Variants in EEF1AKMT2 observed in about 807,000 individuals in gnomAD.
The protein encoded by EEF1AKMT2 is eukaryotic translation elongation factor 1 alpha lysine methyltransferase 2.
EEF1AKMT2 carries 32 observed loss-of-function variants against 35.8 expected under a neutral mutation model. That is an observed-to-expected ratio of 0.89 (90% confidence interval 0.67 to 1.20). The LOEUF (loss-of-function observed/expected upper bound fraction) is 1.20, where lower values mean the gene tolerates loss of function less well. Ranked by LOEUF, EEF1AKMT2 falls within the 50% of genes most tolerant of loss-of-function variation. The pLI is 0.00. For missense variants in EEF1AKMT2, 330 were observed against 347.5 expected, an observed-to-expected ratio of 0.95 and a Z score of 0.40; for synonymous variants, 121 against 133.7, an observed-to-expected ratio of 0.91 and a Z score of 0.65.
chr10:124,778,769 G>A (rs937430483), intron 3 of EEF1AKMT2, among the ~76,000 whole-genome samples: 26 of 150,006 alleles, frequency 1.7e-4, no homozygotes, highest in Admixed American at 1.7e-3. Flanking sequence ...AACATCCAGG[G>A]AGTAGGGATG....
At chr10:124,782,669 G>A (rs1306847151) in intron 3 of EEF1AKMT2, among the ~76,000 whole-genome samples, 6 of 150,540 alleles carry the variant, frequency 4.0e-5, no homozygotes, top group East Asian at 2.0e-4. Context: ...AAAAGTAGCC[G>A]TGTGTGGTGG....
intron 6 of EEF1AKMT2, among the ~76,000 whole-genome samples, chr10:124,761,054 G>T (rs1045260601): frequency 1.3e-5 from 2 of 152,198 alleles, no homozygotes; most frequent in African/African-American, 4.8e-5. Context: ...TTTTAGTAGA[G>T]ACAGGGTTTC....
At chr10:124,774,594 A>T in intron 4 of EEF1AKMT2, 81 bp downstream of exon 4, 1 of 689,462 alleles carries the variant, frequency 1.5e-6, no homozygotes, top group Non-Finnish European at 2.0e-6. Context: ...CTAATTTATG[A>T]GTTTAAAACC....
chr10:124,787,547 T>C (rs1408051987), intron 3 of EEF1AKMT2, among the ~76,000 whole-genome samples: 1 of 152,018 alleles, frequency 6.6e-6, no homozygotes, highest in African/African-American at 2.4e-5. Context: ...AAACTCATCT[T>C]TTGTTCATGA....
At chr10:124,763,412 T>G (rs1950349467) in intron 5 of EEF1AKMT2, among the ~76,000 whole-genome samples, 1 of 152,228 alleles carries the variant, frequency 6.6e-6, no homozygotes. Flanking sequence ...CTTTATTTTA[T>G]GCAAAGAGAA....
intron 3 of EEF1AKMT2, among the ~76,000 whole-genome samples, chr10:124,788,783 C>T (rs1364866071): frequency 1.4e-5 from 2 of 138,230 alleles, no homozygotes; most frequent in Non-Finnish European, 3.1e-5. Flanking sequence ...CTAGTCACAA[C>T]CCTTAGGAAA....
Position 124,789,534 on chromosome 10 carries a change from G to A in EEF1AKMT2, c.177-377C>T, listed in dbSNP as rs1426717049. ...ACACTTTGGAAGGCCACGGTGGGAGGACTGCTTGAGGCCAGGAGTTCGAGA... is the reference window on the plus strand; with the variant it reads ...ACACTTTGGAAGGCCACGGTGGGAGAACTGCTTGAGGCCAGGAGTTCGAGA... On this transcript the variant is annotated intron_variant, in intron 2 of 6. Coordinates refer to ENST00000368836, the MANE Select transcript of EEF1AKMT2 (RefSeq NM_212554.4). Among the ~76,000 whole-genome samples the A allele has an allele frequency of 2.0e-5, 3 of 152,068 alleles. No individual in the cohort carries two copies. The East Asian group carries it at 5.8e-4, about 29-fold the overall frequency.
chr10:124,759,242 C>A lies in EEF1AKMT2; in HGVS notation c.*1261G>T, dbSNP rs1950310308. The A allele has an allele frequency of 6.6e-6, 1 of 152,082 alleles. No homozygotes were observed. Among genetic ancestry groups the A allele is most frequent in the African/African-American group, 2.4e-5 (1 of 41,412 alleles). 9.4% of individuals were successfully genotyped at this position (152,082 alleles called of 1,614,324 possible). On this transcript the variant is annotated 3_prime_UTR_variant, in exon 7 of 7. Transcript: ENST00000368836. ...AAACATTAATAAACTGTTTCTCTTG[C>A]CAAATTAGCCCCTAACTAGAACATC...
At chr10:124,778,747 A>G (rs1385131119) in intron 3 of EEF1AKMT2, among the ~76,000 whole-genome samples, 1 of 151,686 alleles carries the variant, frequency 6.6e-6, no homozygotes, top group Non-Finnish European at 1.5e-5. Context: ...AGAAAAACAG[A>G]AAAATCTCAA....
rs1950474886 is a variant in EEF1AKMT2 at position 124,774,835 on chromosome 10, T to A, written c.292-53A>T. On this transcript the variant is annotated intron_variant, in intron 3 of 6. Coordinates refer to ENST00000368836, the MANE Select transcript of EEF1AKMT2 (RefSeq NM_212554.4). Reference sequence around the variant, plus strand: ...TATAAAATTTTAATATAATGTTTTGTTTATGAATTATAATATTCCTTTAGG... The same window carrying A: ...TATAAAATTTTAATATAATGTTTTGATTATGAATTATAATATTCCTTTAGG... 1.5e-5 allele frequency: 13 copies of A among 872,632 alleles called. No individual in the cohort carries two copies. In the East Asian group the frequency reaches 4.4e-4, roughly 29 times the overall value. 54.1% of individuals were successfully genotyped at this position (872,632 alleles called of 1,614,324 possible).
Position 124,765,433 on chromosome 10 carries a change from C to T in EEF1AKMT2, c.575G>A (p.Cys192Tyr). ...KVKGFFLITSCNWTKEELLNE... is the reference protein window; with the variant it reads ...KVKGFFLITSYNWTKEELLNE... ...TAGCAACTCTTCCTTGGTCCAATTA[C>T]ATGACGTTATTAGAAAAAAGCCTTT... The change falls in exon 5 of 7, where the codon TGT becomes TAT. Residue 192 changes from cysteine (C) to tyrosine (Y), a missense_variant. Physicochemically the swap from Cys to Tyr is radical, Grantham distance 194. Coordinates refer to ENST00000368836, the MANE Select transcript of EEF1AKMT2 (RefSeq NM_212554.4). 1.9e-6 allele frequency: 3 copies of T among 1,613,972 alleles called. No homozygotes were observed. Among genetic ancestry groups the T allele is most frequent in the African/African-American group, 1.3e-5 (1 of 75,030 alleles).
intron 3 of EEF1AKMT2, among the ~76,000 whole-genome samples, chr10:124,787,690 G>A (rs1950598366): frequency 6.6e-6 from 1 of 151,068 alleles, no homozygotes; most frequent in Admixed American, 6.6e-5. Context: ...AGGCTACAAT[G>A]TGCCATGATC....
At chr10:124,780,435 A>T (rs924346431) in intron 3 of EEF1AKMT2, among the ~76,000 whole-genome samples, 1 of 152,256 alleles carries the variant, frequency 6.6e-6, no homozygotes, top group African/African-American at 2.4e-5. Flanking sequence ...GAAATCATGC[A>T]GTAAAAAATT....
chr10:124,781,618 C>A (rs1169475360), intron 3 of EEF1AKMT2, among the ~76,000 whole-genome samples: 920 of 100,592 alleles, frequency 9.1e-3, no homozygotes, highest in South Asian at 0.01. Flanking sequence ...TATATTCAGC[C>A]AAAAAAAAAA....
intron 4 of EEF1AKMT2, among the ~76,000 whole-genome samples, chr10:124,771,334 T>G (rs577811644): frequency 2.6e-5 from 4 of 151,636 alleles, no homozygotes; most frequent in African/African-American, 7.3e-5. Context: ...CTCCTGACCT[T>G]GTGATCCGCC....
downstream of EEF1AKMT2, among the ~76,000 whole-genome samples, chr10:124,757,166 CCACACACACACACA>C (rs55709011): frequency 8.4e-5 from 12 of 143,174 alleles, no homozygotes; most frequent in Admixed American, 2.1e-4. Flanking sequence ...ACACTCCCTC[CCACACACACACACA>C]CACACACACA....
intron 3 of EEF1AKMT2, among the ~76,000 whole-genome samples, chr10:124,779,832 G>A (rs1029147272): frequency 1.2e-4 from 18 of 149,562 alleles, no homozygotes; most frequent in African/African-American, 3.7e-4. Flanking sequence ...GGAGGCCAAG[G>A]TGGGTGGATC....
chr10:124,786,048 G>C (rs2066646701), intron 3 of EEF1AKMT2, among the ~76,000 whole-genome samples: 1 of 152,062 alleles, frequency 6.6e-6, no homozygotes, highest in African/African-American at 2.4e-5. Context: ...TATGATGATA[G>C]AAGTGACAGC....
At position 124,762,585 on chromosome 10, in the gene EEF1AKMT2, G is replaced by A. The variant is rs771423610; in HGVS notation, c.617-27C>T. 1.3e-4 allele frequency: 140 copies of A among 1,086,088 alleles called. 1 individual carries two copies. The highest frequency in any genetic ancestry group is 2.3e-4 in the African/African-American group (14 of 60,930). The allele number at this position is 1,086,088 out of a possible 1,614,324, so 67.3% of individuals were successfully genotyped here. On this transcript the variant is annotated intron_variant, in intron 5 of 6. Coordinates refer to ENST00000368836, the MANE Select transcript of EEF1AKMT2 (RefSeq NM_212554.4). ...TGGGCAACAGAGAGAGAGACAGACC[G>A]TTTCAAAAACAGAAATAAAAATTAT...
Sources: gnomAD v4.1 joint callset for allele counts (sites outside exome capture counted in the v4.1 genomes callset) on GRCh38, gnomAD v4.1.1 for gene constraint, MANE v1.5 for transcripts, NCBI Gene and HGNC (gene_info 2026-07-23, HGNC 2026-07-21) for gene names.